The following FRMD4A variants were observed in gnomAD, a reference collection of about 807,000 sequenced individuals.
FRMD4A encodes the protein FERM domain-containing protein 4A.
In FRMD4A, 29 loss-of-function variants were observed where a neutral mutation model predicts 129.1. That is an observed-to-expected ratio of 0.22 (90% CI 0.17 to 0.31). The LOEUF is 0.31. Among genes scored for constraint, FRMD4A ranks in the 10% least tolerant of loss-of-function variants. The probability of loss-of-function intolerance (pLI) is 1.00; values close to 1 mark genes in which losing one functional copy is unlikely to be tolerated. For synonymous variants in FRMD4A, 634 were observed against 571.6 expected (o/e 1.11, Z -1.56); for missense variants, 1,272 against 1,375.8 (o/e 0.92, Z 1.19).
chr10:13,921,642 C>T lies in FRMD4A; in HGVS notation c.46-62730G>A, dbSNP rs144335431. Among the ~76,000 whole-genome samples, 556 of 152,230 alleles carry T rather than the reference C, an allele frequency of 3.7e-3. 5 individuals carry two copies. Among genetic ancestry groups the T allele is most frequent in the African/African-American group, 0.013 (534 of 41,534 alleles). ...TAACCTAATGGCCTGTCAAAGGCTC[C>T]ACCTCCTAATATCAGGACCTTGGGG... On this transcript the variant is annotated intron_variant, in intron 2 of 24. Transcript: ENST00000357447.
chr10:14,298,943 T>C (rs1373986304), intron 2 of FRMD4A, among the ~76,000 whole-genome samples: 4 of 152,160 alleles, frequency 2.6e-5, no homozygotes, highest in Admixed American at 6.5e-5. Context: ...TGTTTTGAGA[T>C]CAAATTTTAT....
intron 2 of FRMD4A, among the ~76,000 whole-genome samples, chr10:14,185,596 CAGGT>C (rs1363658650): frequency 1.4e-5 from 2 of 148,116 alleles, no homozygotes; most frequent in African/African-American, 2.5e-5. Flanking sequence ...GAAAGAGAAA[CAGGT>C]AGAGAGACAG....
At chr10:13,683,177 G>A (rs965252216) in intron 15 of FRMD4A, among the ~76,000 whole-genome samples, 3 of 152,106 alleles carry the variant, frequency 2.0e-5, no homozygotes, top group Admixed American at 6.5e-5. Flanking sequence ...CACAACGCCC[G>A]ACTAATAGAA....
At chr10:13,891,705 C>T in intron 2 of FRMD4A, 1 of 985,110 alleles carries the variant, frequency 1.0e-6, no homozygotes, top group Non-Finnish European at 1.2e-6. Context: ...GTCCCATTCG[C>T]CCGGGCGAAG....
At chr10:13,972,347 T>C (rs2095523427) in intron 2 of FRMD4A, 2 of 984,562 alleles carry the variant, frequency 2.0e-6, no homozygotes, top group Non-Finnish European at 2.4e-6. Flanking sequence ...AAAAGTCCCA[T>C]TCTGTAGCAG....
intron 2 of FRMD4A, among the ~76,000 whole-genome samples, chr10:14,130,002 C>T (rs2131826341): frequency 6.6e-6 from 1 of 152,284 alleles, no homozygotes; most frequent in East Asian, 1.9e-4. Context: ...TGTTCTCACT[C>T]CCTGCCTCCC....
At chr10:13,943,338 A>G (rs1028566127) in intron 2 of FRMD4A, among the ~76,000 whole-genome samples, 1 of 152,090 alleles carries the variant, frequency 6.6e-6, no homozygotes, top group Non-Finnish European at 1.5e-5. Context: ...GAGCAAAAAT[A>G]GATAATTTGT....
At chr10:14,231,688 G>A (rs1589204293) in intron 2 of FRMD4A, among the ~76,000 whole-genome samples, 1 of 152,160 alleles carries the variant, frequency 6.6e-6, no homozygotes, top group East Asian at 1.9e-4. Flanking sequence ...TAGTGATGTT[G>A]AGCATTTTTT....
At chr10:13,985,837 C>T (rs1380271742) in intron 2 of FRMD4A, among the ~76,000 whole-genome samples, 1 of 152,254 alleles carries the variant, frequency 6.6e-6, no homozygotes. Flanking sequence ...CTCTAGAAGT[C>T]TGCCAGCCCT....
chr10:13,692,423 C>CA (rs1328804191), intron 15 of FRMD4A: 1 of 152,212 alleles, frequency 6.6e-6, no homozygotes, highest in Non-Finnish European at 1.5e-5. Flanking sequence ...GCTGAGATTA[C>CA]AGGCCTGAGC....
In FRMD4A at chr10:13,657,232, C is replaced by G. The variant is rs1376239372; in HGVS notation, c.2357G>C (p.Arg786Pro). ...PSKARQRQRQ[R>P]QRAAGALGSA... ...GCCCAGTGCGCCCGCCGCCCGCTGC[C>G]GCTGCCTCTGCCTCTGGCGCGCCTT... Residue 786 changes from arginine (R) to proline (P), a missense_variant, in exon 22 of 25, where the codon CGG becomes CCG. Around this residue, in one of 2 missense-constraint regions of FRMD4A, gnomAD observed 972 missense variants for 892.3 expected, o/e 1.09. Transcript: ENST00000357447. 2 of 1,578,128 alleles carry G rather than the reference C, an allele frequency of 1.3e-6. No individual in the cohort carries two copies. The highest frequency in any genetic ancestry group is 2.3e-5 in the South Asian group (2 of 87,700).
intron 2 of FRMD4A, among the ~76,000 whole-genome samples, chr10:14,020,307 A>G (rs1240943641): frequency 6.6e-6 from 1 of 152,078 alleles, no homozygotes; most frequent in East Asian, 1.9e-4. Flanking sequence ...CTTTTATCTC[A>G]TCTTGCAGAA....
intron 2 of FRMD4A, among the ~76,000 whole-genome samples, chr10:13,883,142 T>C (rs1232366962): frequency 6.6e-6 from 1 of 152,144 alleles, no homozygotes; most frequent in Non-Finnish European, 1.5e-5. Context: ...GTCAGTTCTC[T>C]AGGAGCGTGG....
chr10:14,195,000 T>C (rs1450330220), intron 2 of FRMD4A, among the ~76,000 whole-genome samples: 3 of 152,196 alleles, frequency 2.0e-5, no homozygotes, highest in Admixed American at 2.0e-4. Context: ...TTGGTCAAAG[T>C]ATTAAATCAT....
chr10:14,324,156 T>C (rs1038686886), intron 2 of FRMD4A, among the ~76,000 whole-genome samples: 9 of 152,284 alleles, frequency 5.9e-5, no homozygotes, highest in East Asian at 1.9e-4. Flanking sequence ...CAGCAGAAAA[T>C]GAAATAAAAA....
chr10:13,740,653 C>A, intron 9 of FRMD4A, 76 bp from the exon 10 acceptor site: 1 of 770,008 alleles, frequency 1.3e-6, no homozygotes, highest in Non-Finnish European at 2.3e-6. Context: ...TAAGATATTT[C>A]TCAGCCCCAT....
chr10:13,976,708 C>T (rs185242767), intron 2 of FRMD4A, among the ~76,000 whole-genome samples: 1 of 152,300 alleles, frequency 6.6e-6, no homozygotes, highest in Admixed American at 6.5e-5. Flanking sequence ...AAACAGCATA[C>T]ACGTGGAGAA....
At chr10:14,321,880 C>T (rs1487521805) in intron 2 of FRMD4A, among the ~76,000 whole-genome samples, 2 of 152,040 alleles carry the variant, frequency 1.3e-5, no homozygotes, top group African/African-American at 2.4e-5. Context: ...GGACTTCTCC[C>T]TTGCTGTTCT....
chr10:13,882,812 T>G (rs1209920272), intron 2 of FRMD4A, among the ~76,000 whole-genome samples: 2 of 149,184 alleles, frequency 1.3e-5, no homozygotes, highest in Non-Finnish European at 3.0e-5. Context: ...TTTGGTTTTT[T>G]TTTTTTTTTT....
Sources: allele counts gnomAD v4.1 joint callset (sites outside exome capture counted in the v4.1 genomes callset), GRCh38; gene constraint gnomAD v4.1.1; regional missense constraint gnomAD v4.1.1; transcripts MANE v1.5; gene names NCBI Gene and HGNC (gene_info 2026-07-23, HGNC 2026-07-21).